COPG2: variants seen among roughly 807,000 people sequenced by gnomAD.
COPG2 encodes coat protein complex I subunit gamma 2.
COPG2 carries 37 observed loss-of-function variants against 46.3 expected under a neutral mutation model. The observed-to-expected ratio is 0.80, with a 90% CI of 0.61 to 1.05. COPG2 has a LOEUF of 1.05. Ranked by LOEUF, COPG2 falls within the 50% of genes least tolerant of loss-of-function variation. The pLI is 0.00. For missense variants in COPG2, 427 were observed against 387.8 expected, an observed-to-expected ratio of 1.10 and a Z score of -0.85; for synonymous variants, 159 against 129.7, an observed-to-expected ratio of 1.23 and a Z score of -1.53.
intron 9 of COPG2, among the ~76,000 whole-genome samples, chr7:130,578,719 A>G (rs376117685): frequency 2.0e-5 from 3 of 152,188 alleles, no homozygotes; most frequent in African/African-American, 7.2e-5. Context: ...CTCAGGAGCC[A>G]ATGCGATCAA....
chr7:130,610,134 T>C (rs751252066), intron 9 of COPG2: 82 of 517,856 alleles, frequency 1.6e-4, no homozygotes, highest in Non-Finnish European at 2.5e-4. Flanking sequence ...TTTGATTGTT[T>C]GCTAGACACT....
chr7:130,601,622 C>T (rs1554450336), intron 9 of COPG2, among the ~76,000 whole-genome samples: 4 of 151,892 alleles, frequency 2.6e-5, no homozygotes, highest in South Asian at 2.1e-4. Flanking sequence ...CAATGAGAAC[C>T]CATGGACACA....
intron 9 of COPG2, among the ~76,000 whole-genome samples, chr7:130,600,243 A>G (rs1046317522): frequency 1.3e-5 from 2 of 152,122 alleles, no homozygotes; most frequent in African/African-American, 2.4e-5. Flanking sequence ...TCAAAATACA[A>G]AATTCCATTT....
chr7:130,573,910 G>A (rs994669526), intron 9 of COPG2, among the ~76,000 whole-genome samples: 1 of 152,012 alleles, frequency 6.6e-6, no homozygotes, highest in Admixed American at 6.6e-5. Context: ...GAAATGGTAT[G>A]GTTATTTTGG....
In COPG2 at chr7:130,548,444, G is replaced by T; in HGVS notation, c.1936C>A (p.Arg646=). The change falls in exon 19 of 24, where the codon CGA becomes AGA. Residue 646 remains arginine, a synonymous_variant. Transcript: ENST00000425248. Reference sequence around the variant, plus strand: ...TTGGTAAACATGTGCTTGATACATCGAACAAAATATTCTGTCTCTGCTTCT... The same window carrying T: ...TTGGTAAACATGTGCTTGATACATCTAACAAAATATTCTGTCTCTGCTTCT... ...LTEAETEYFV[R]CIKHMFTNHI... 2.5e-6 allele frequency: 1 copy of T among 398,528 alleles called. No individual in the cohort carries two copies. The highest frequency in any genetic ancestry group is 4.4e-6 in the Non-Finnish European group (1 of 226,048). 24.7% of individuals were successfully genotyped at this position (398,528 alleles called of 1,614,324 possible). A position where few individuals can be genotyped will look rare whatever the true frequency, so the allele number is the denominator to read the frequency against.
At position 130,610,984 on chromosome 7, in the gene COPG2, C is replaced by T; in HGVS notation, c.706G>A (p.Ala236Thr). ...QFAYCMLIRI[A>T]SRLLKETEDG... ...TCAGTTTCTTTTAGTAAGCGACTGGCAATTCGGATCAGCATGCAGTAAGCA... is the reference window on the plus strand; with the variant it reads ...TCAGTTTCTTTTAGTAAGCGACTGGTAATTCGGATCAGCATGCAGTAAGCA... Residue 236 changes from alanine (A) to threonine (T), a missense_variant, in exon 9 of 24, where the codon GCC (alanine) becomes ACC (threonine). Coordinates refer to ENST00000425248, the MANE Select transcript of COPG2 (RefSeq NM_012133.6). 6.2e-7 allele frequency: 1 copy of T among 1,613,910 alleles called. No individual in the cohort carries two copies. The highest frequency in any genetic ancestry group is 8.5e-7 in the Non-Finnish European group (1 of 1,179,872).
intron 20 of COPG2, among the ~76,000 whole-genome samples, chr7:130,519,919 T>TG (rs1799711532): frequency 6.6e-6 from 1 of 152,210 alleles, no homozygotes. Context: ...GGCTGGCACT[T>TG]GAAGTCTTAG....
chr7:130,536,660 A>G (rs1267088852), intron 20 of COPG2, among the ~76,000 whole-genome samples: 3 of 152,268 alleles, frequency 2.0e-5, no homozygotes, highest in African/African-American at 4.8e-5. Flanking sequence ...AGCGGGGCTG[A>G]TGGAGGCATC....
At position 130,613,633 on chromosome 7, in the gene COPG2, T is replaced by C. The variant is rs374197806; in HGVS notation, c.403A>G (p.Thr135Ala). ...TATCTTTCAATGGCTTGCAACATTG[T>C]TCCCTAATAACATTCAAAAAGAAAA... ...IRALCRITDG[T>A]MLQAIERYMK... The change falls in exon 7 of 24, where the codon ACA (threonine) becomes GCA (alanine). Residue 135 changes from threonine to alanine, a missense_variant. By Grantham distance (58) the Thr-to-Ala change is moderately conservative (BLOSUM62 0). Coordinates refer to ENST00000425248, the MANE Select transcript of COPG2 (RefSeq NM_012133.6). The C allele has an allele frequency of 3.8e-6, 6 of 1,592,306 alleles. No individual in the cohort carries two copies. The East Asian group carries it at 9.0e-5, about 24-fold the overall frequency.
At chr7:130,551,175 A>T (rs1793530662) in intron 16 of COPG2, 66 bp downstream of exon 16, 1 of 397,604 alleles carries the variant, frequency 2.5e-6, no homozygotes, top group South Asian at 1.3e-4. Flanking sequence ...TCATATGCAA[A>T]TCATAAAATA....
intron 9 of COPG2, among the ~76,000 whole-genome samples, chr7:130,589,637 A>G (rs577297672): frequency 6.6e-6 from 1 of 152,186 alleles, no homozygotes; most frequent in African/African-American, 2.4e-5. Flanking sequence ...TATTTCTACC[A>G]ATTTATATTC....
chr7:130,525,517 T>C (rs1799765214), intron 20 of COPG2, among the ~76,000 whole-genome samples: 1 of 152,116 alleles, frequency 6.6e-6, no homozygotes, highest in Non-Finnish European at 1.5e-5. Flanking sequence ...GAGTCTATTG[T>C]GTGGGTAGAA....
At chr7:130,593,042 C>T (rs975686298) in intron 9 of COPG2, among the ~76,000 whole-genome samples, 1 of 152,220 alleles carries the variant, frequency 6.6e-6, no homozygotes, top group South Asian at 2.1e-4. Flanking sequence ...TTACTCCAGG[C>T]TTTATAAGTT....
chr7:130,566,247 T>C (rs1793801426), intron 9 of COPG2, among the ~76,000 whole-genome samples: 1 of 152,222 alleles, frequency 6.6e-6, no homozygotes, highest in African/African-American at 2.4e-5. Flanking sequence ...ATTAGTGATG[T>C]TGACCATTTT....
chr7:130,581,041 C>CA (rs1554447062), intron 9 of COPG2, among the ~76,000 whole-genome samples: 1 of 43,334 alleles, frequency 2.3e-5, no homozygotes, highest in East Asian at 5.4e-4. Flanking sequence ...GAGACACAAC[C>CA]AAAAAAGAGA....
chr7:130,576,591 T>C (rs569160238), intron 9 of COPG2, among the ~76,000 whole-genome samples: 1 of 152,216 alleles, frequency 6.6e-6, no homozygotes, highest in Admixed American at 6.5e-5. Context: ...TTCATAGCCC[T>C]CCATCAAAAG....
At chr7:130,623,859 A>G (rs925092560) in intron 5 of COPG2, among the ~76,000 whole-genome samples, 2 of 152,112 alleles carry the variant, frequency 1.3e-5, no homozygotes, top group Non-Finnish European at 2.9e-5. Flanking sequence ...TTTTTTTCAA[A>G]AAACAAGGTA....
At chr7:130,537,732 G>A (rs1014401714) in intron 20 of COPG2, among the ~76,000 whole-genome samples, 111 of 152,366 alleles carry the variant, frequency 7.3e-4, no homozygotes, top group African/African-American at 2.6e-3. Flanking sequence ...CCAAGAGCAA[G>A]AGTGTGGGTG....
intron 20 of COPG2, chr7:130,509,539 T>C (rs782358370): frequency 4.9e-6 from 2 of 411,644 alleles, no homozygotes; most frequent in Non-Finnish European, 4.9e-6. Flanking sequence ...GTGAAGACCA[T>C]ATACGACAGA....
Sources: gnomAD v4.1 joint callset for allele counts (sites outside exome capture counted in the v4.1 genomes callset) on GRCh38, gnomAD v4.1.1 for gene constraint, MANE v1.5 for transcripts, NCBI Gene and HGNC (gene_info 2026-07-23, HGNC 2026-07-21) for gene names.